The following PHACTR1 variants were observed in gnomAD, a reference collection of about 807,000 sequenced individuals.
PHACTR1 encodes phosphatase and actin regulator 1.
In PHACTR1, 16 loss-of-function variants were observed where a neutral mutation model predicts 69.2. That is an observed-to-expected ratio of 0.23 (90% CI 0.16 to 0.35). The LOEUF is 0.35. Among genes scored for constraint, PHACTR1 ranks in the 10% least tolerant of loss-of-function variants. PHACTR1 has a pLI of 1.00. For missense variants in PHACTR1, 510 were observed against 734.7 expected (o/e 0.69, Z 3.54); for synonymous variants, 312 against 284.5 (o/e 1.10, Z -0.97).
intron 4 of PHACTR1, among the ~76,000 whole-genome samples, chr6:12,987,092 AT>A (rs1582842955): frequency 1.3e-5 from 2 of 152,338 alleles, no homozygotes; most frequent in Admixed American, 1.3e-4. Flanking sequence ...AGTGTATATG[AT>A]TTTAAAAGAA....
intron 4 of PHACTR1, among the ~76,000 whole-genome samples, chr6:12,922,017 C>T (rs1000972538): frequency 1.3e-5 from 2 of 152,190 alleles, no homozygotes; most frequent in Admixed American, 1.3e-4. Context: ...ATCACAAAGT[C>T]ACAGTAAAAA....
chr6:12,912,693 C>T (rs1364115325), intron 4 of PHACTR1, among the ~76,000 whole-genome samples: 2 of 152,204 alleles, frequency 1.3e-5, no homozygotes, highest in African/African-American at 2.4e-5. Flanking sequence ...TGGCTCATGC[C>T]TGTAATCCCA....
At chr6:13,151,311 A>G (rs76372524) in intron 5 of PHACTR1, among the ~76,000 whole-genome samples, 1,660 of 152,360 alleles carry the variant, frequency 0.011, 33 homozygotes, top group African/African-American at 0.037. Context: ...GAGCAGGACC[A>G]AATGACTTGT....
At chr6:13,144,786 A>G (rs1160868662) in intron 5 of PHACTR1, among the ~76,000 whole-genome samples, 1 of 151,760 alleles carries the variant, frequency 6.6e-6, no homozygotes, top group Non-Finnish European at 1.5e-5. Context: ...AAAAAAAAAA[A>G]AAAAAGTATG....
chr6:13,056,204 T>A (rs1806758292), intron 5 of PHACTR1, among the ~76,000 whole-genome samples: 2 of 152,144 alleles, frequency 1.3e-5, no homozygotes, highest in African/African-American at 4.8e-5. Context: ...GCCCAGGAGT[T>A]AAAAACCAGC....
chr6:12,865,410 G>C (rs1781350732), intron 4 of PHACTR1, among the ~76,000 whole-genome samples: 1 of 152,100 alleles, frequency 6.6e-6, no homozygotes, highest in South Asian at 2.1e-4. Flanking sequence ...CTTCTGTCTA[G>C]ATTCCAATAT....
At chr6:13,030,891 T>C (rs976700743) in intron 4 of PHACTR1, among the ~76,000 whole-genome samples, 3 of 152,234 alleles carry the variant, frequency 2.0e-5, no homozygotes, top group African/African-American at 4.8e-5. Flanking sequence ...CTGAGCACTA[T>C]TGACATTTTG....
intron 4 of PHACTR1, among the ~76,000 whole-genome samples, chr6:12,865,974 A>G (rs1246527288): frequency 6.6e-6 from 1 of 151,982 alleles, no homozygotes; most frequent in Admixed American, 6.5e-5. Flanking sequence ...ACCCTAAGAA[A>G]GGCACCGCCT....
intron 6 of PHACTR1, among the ~76,000 whole-genome samples, chr6:13,167,425 A>G (rs1474959968): frequency 6.6e-6 from 1 of 152,172 alleles, no homozygotes; most frequent in Non-Finnish European, 1.5e-5. Context: ...GGGAGGGAAA[A>G]GAAGACCACT....
At chr6:12,841,830 G>A (rs907727818) in intron 4 of PHACTR1, among the ~76,000 whole-genome samples, 2 of 151,976 alleles carry the variant, frequency 1.3e-5, no homozygotes, top group African/African-American at 2.4e-5. Context: ...TCTGTTGTGG[G>A]AATCTTAACC....
chr6:12,763,469 C>T lies in PHACTR1; in HGVS notation c.250+13679C>T, dbSNP rs538679336. ...AAATATATCATCTATGGAGTCCTTT[C>T]ATAAACCCAATTATACGAACAATTC... On this transcript the variant is annotated intron_variant, in intron 4 of 14. Transcript: ENST00000332995. Among the ~76,000 whole-genome samples the T allele has an allele frequency of 1.6e-4, 25 of 152,316 alleles. No individual in the cohort carries two copies. The South Asian group carries it at 2.3e-3, about 14-fold the overall frequency.
chr6:13,184,963 C>T (rs773137529), intron 7 of PHACTR1: 4 of 1,366,482 alleles, frequency 2.9e-6, no homozygotes, highest in Non-Finnish European at 3.9e-6. Flanking sequence ...GCCCCCGGCC[C>T]TGCCTCCCAA....
At chr6:12,806,954 G>A (rs919372354) in intron 4 of PHACTR1, among the ~76,000 whole-genome samples, 7 of 152,134 alleles carry the variant, frequency 4.6e-5, no homozygotes, top group South Asian at 2.1e-4. Flanking sequence ...GACAAGTTGA[G>A]CAATTACCAT....
chr6:12,999,737 T>C (rs1294584995), intron 4 of PHACTR1, among the ~76,000 whole-genome samples: 1 of 152,248 alleles, frequency 6.6e-6, no homozygotes, highest in African/African-American at 2.4e-5. Flanking sequence ...CATACCTATA[T>C]GGTAAAAGTT....
At chr6:13,242,390 C>T (rs539405365) in intron 10 of PHACTR1, among the ~76,000 whole-genome samples, 1 of 152,312 alleles carries the variant, frequency 6.6e-6, no homozygotes, top group East Asian at 1.9e-4. Context: ...AGTTGCCACA[C>T]AGGTCTTTAG....
At chr6:12,816,947 G>A (rs1004684690) in intron 4 of PHACTR1, among the ~76,000 whole-genome samples, 32 of 152,184 alleles carry the variant, frequency 2.1e-4, no homozygotes, top group African/African-American at 7.0e-4. Context: ...AAGGACACTC[G>A]TAATTTTTAC....
At chr6:12,829,090 C>T (rs751464765) in intron 4 of PHACTR1, among the ~76,000 whole-genome samples, 1 of 151,906 alleles carries the variant, frequency 6.6e-6, no homozygotes, top group African/African-American at 2.4e-5. Flanking sequence ...TATTATGTGC[C>T]AACTAAAAAT....
At chr6:13,203,297 G>C (rs1180344095) in intron 7 of PHACTR1, among the ~76,000 whole-genome samples, 1 of 152,210 alleles carries the variant, frequency 6.6e-6, no homozygotes, top group East Asian at 1.9e-4. Context: ...ATTACACACT[G>C]TCACTCTTCT....
chr6:12,794,361 G>C (rs185780470), intron 4 of PHACTR1, among the ~76,000 whole-genome samples: 103 of 152,324 alleles, frequency 6.8e-4, no homozygotes, highest in African/African-American at 2.3e-3. Context: ...GAAAGCAGAG[G>C]AAGTACTTGG....
Sources: allele counts gnomAD v4.1 joint callset (sites outside exome capture counted in the v4.1 genomes callset), GRCh38; gene constraint gnomAD v4.1.1; transcripts MANE v1.5; gene names NCBI Gene and HGNC (gene_info 2026-07-23, HGNC 2026-07-21).